Variants in GABRR3 observed in about 807,000 individuals in gnomAD.
The protein encoded by GABRR3 is gamma-aminobutyric acid type A receptor subunit rho3, also known as gamma-aminobutyric acid receptor subunit rho-3.
In GABRR3, 29 loss-of-function variants were observed where a neutral mutation model predicts 43.2. That is an observed-to-expected ratio of 0.67 (90% confidence interval 0.50 to 0.92). GABRR3 has a LOEUF of 0.92. GABRR3 is among the 40% of genes least tolerant of loss of function. GABRR3 has a pLI of 0.00. For missense variants in GABRR3, 576 were observed against 572.3 expected (o/e 1.01, Z -0.07); for synonymous variants, 206 against 195.9 (o/e 1.05, Z -0.43).
At chr3:98,019,791 T>C (rs1373671229) in intron 3 of GABRR3, among the ~76,000 whole-genome samples, 1 of 152,158 alleles carries the variant, frequency 6.6e-6, no homozygotes, top group Non-Finnish European at 1.5e-5. Context: ...CTCAAACTCC[T>C]GACCTCAGGT....
At chr3:98,013,169 A>G (rs1389359536) in intron 4 of GABRR3, among the ~76,000 whole-genome samples, 1 of 152,206 alleles carries the variant, frequency 6.6e-6, no homozygotes, top group African/African-American at 2.4e-5. Flanking sequence ...CTCAAAGTTT[A>G]GTGTGCAAAG....
intron 5 of GABRR3, among the ~76,000 whole-genome samples, chr3:98,011,274 A>C (rs1286676989): frequency 3.3e-5 from 5 of 152,242 alleles, no homozygotes. Flanking sequence ...GTAACAAATT[A>C]CTACAAATCT....
chr3:97,992,418 A>G (rs1706480307), intron 9 of GABRR3, among the ~76,000 whole-genome samples: 1 of 152,176 alleles, frequency 6.6e-6, no homozygotes, highest in Non-Finnish European at 1.5e-5. Context: ...CCTCTGTTAA[A>G]TGAGGGCGAT....
intron 3 of GABRR3, among the ~76,000 whole-genome samples, chr3:98,022,053 T>C (rs1243012831): frequency 1.3e-5 from 2 of 152,134 alleles, no homozygotes; most frequent in African/African-American, 4.8e-5. Flanking sequence ...CACAGTATAG[T>C]CCTCTCCTTT....
At chr3:98,020,870 CTTTTTTT>C (rs59070712) in intron 3 of GABRR3, among the ~76,000 whole-genome samples, 7 of 117,448 alleles carry the variant, frequency 6.0e-5, no homozygotes, top group Non-Finnish European at 1.7e-5. Flanking sequence ...TTTTCTTTTT[CTTTTTTT>C]TTTTTTTTTT....
intron 8 of GABRR3, chr3:97,997,900 TAC>T (rs1706584214): frequency 1.3e-5 from 2 of 152,140 alleles, no homozygotes; most frequent in Admixed American, 1.3e-4. Flanking sequence ...GCACAATACT[TAC>T]ACACAAATTT....
At chr3:98,001,710 A>C in exon 8 of GABRR3, 1 of 1,613,326 alleles carries the variant, frequency 6.2e-7, no homozygotes, top group Non-Finnish European at 8.5e-7. Flanking sequence ...GGTTTGCAGC[A>C]CAAAGAAGAA....
At chr3:98,006,906 A>G (rs1175237043) in intron 7 of GABRR3, among the ~76,000 whole-genome samples, 2 of 152,172 alleles carry the variant, frequency 1.3e-5, no homozygotes, top group East Asian at 1.9e-4. Context: ...AAAGAGTACT[A>G]TATAGGCCCA....
At chr3:98,034,191 T>C (rs531652965) in intron 2 of GABRR3, among the ~76,000 whole-genome samples, 6 of 152,266 alleles carry the variant, frequency 3.9e-5, no homozygotes, top group African/African-American at 1.4e-4. Context: ...TGACAAATCA[T>C]TCCAGTATGC....
intron 5 of GABRR3, among the ~76,000 whole-genome samples, chr3:98,011,597 C>A (rs920195147): frequency 6.8e-6 from 1 of 147,068 alleles, no homozygotes; most frequent in African/African-American, 2.5e-5. Flanking sequence ...AACTTAATCA[C>A]GTCTGCAAGG....
intron 8 of GABRR3, among the ~76,000 whole-genome samples, chr3:97,997,274 C>A (rs904896243): frequency 6.7e-6 from 1 of 150,110 alleles, no homozygotes; most frequent in Non-Finnish European, 1.5e-5. Flanking sequence ...GGAGGAGGAG[C>A]CAATCATAAT....
intron 9 of GABRR3, among the ~76,000 whole-genome samples, chr3:97,990,463 T>C (rs1388304345): frequency 3.3e-5 from 5 of 151,944 alleles, no homozygotes; most frequent in Admixed American, 3.3e-4. Context: ...ATTCTCCTGC[T>C]TGAGCCTCCT....
chr3:97,998,996 T>C (rs534893901), intron 8 of GABRR3: 1 of 152,228 alleles, frequency 6.6e-6, no homozygotes, highest in South Asian at 2.1e-4. Flanking sequence ...AGAGTGTAAA[T>C]GGGTCCTAAG....
chr3:98,032,088 T>C (rs964508147), intron 2 of GABRR3, among the ~76,000 whole-genome samples: 3 of 151,400 alleles, frequency 2.0e-5, no homozygotes, highest in Admixed American at 2.0e-4. Context: ...TATAGTATAG[T>C]ATAGTATAGT....
chr3:98,017,303 A>C (rs190078376), intron 4 of GABRR3, among the ~76,000 whole-genome samples: 6 of 152,324 alleles, frequency 3.9e-5, no homozygotes, highest in African/African-American at 1.4e-4. Flanking sequence ...TTTACAGGCA[A>C]GGACTCATGA....
At chr3:98,010,256 C>A (rs903571367) in intron 5 of GABRR3, among the ~76,000 whole-genome samples, 1 of 152,182 alleles carries the variant, frequency 6.6e-6, no homozygotes, top group Non-Finnish European at 1.5e-5. Flanking sequence ...CCAGGAGAGA[C>A]CAGGAACACA....
At chr3:97,999,487 A>C (rs1418232497) in intron 8 of GABRR3, 4 of 152,166 alleles carry the variant, frequency 2.6e-5, no homozygotes, top group Non-Finnish European at 5.9e-5. Context: ...ACATGCTTAC[A>C]TACGGACAGT....
At chr3:98,027,075 T>A (rs919337083) in intron 2 of GABRR3, among the ~76,000 whole-genome samples, 2 of 152,220 alleles carry the variant, frequency 1.3e-5, no homozygotes, top group Non-Finnish European at 2.9e-5. Flanking sequence ...CACATACAAC[T>A]AGTTTTTCCA....
At chr3:97,991,939 T>C (rs1706473971) in intron 9 of GABRR3, among the ~76,000 whole-genome samples, 1 of 152,178 alleles carries the variant, frequency 6.6e-6, no homozygotes, top group South Asian at 2.1e-4. Flanking sequence ...TATGTATACA[T>C]ATATACTATA....
Sources: gnomAD v4.1 joint callset for allele counts (sites outside exome capture counted in the v4.1 genomes callset) on GRCh38, gnomAD v4.1.1 for gene constraint, MANE v1.5 for transcripts, NCBI Gene and HGNC (gene_info 2026-07-23, HGNC 2026-07-21) for gene names.